Variants in LHFPL3 observed in about 807,000 individuals in gnomAD.
LHFPL3 encodes LHFPL tetraspan subfamily member 3.
Under a neutral mutation model 19.3 loss-of-function variants are expected in LHFPL3, and 5 were observed. The observed-to-expected ratio is 0.26, with a 90% confidence interval of 0.14 to 0.54. The LOEUF is 0.54. LHFPL3 is among the 20% of genes least tolerant of loss of function. The pLI, the probability that LHFPL3 is intolerant of heterozygous loss-of-function variation, is 0.94. For synonymous variants in LHFPL3, 133 were observed against 126.2 expected (o/e 1.05, Z -0.36); for missense variants, 249 against 307.4 (o/e 0.81, Z 1.42).
chr7:104,741,742 A>G (rs951342485), intron 2 of LHFPL3, among the ~76,000 whole-genome samples: 1 of 151,866 alleles, frequency 6.6e-6, no homozygotes, highest in Non-Finnish European at 1.5e-5. Flanking sequence ...TTTTGTAGAG[A>G]CAGGGTACCC....
intron 1 of LHFPL3, among the ~76,000 whole-genome samples, chr7:104,682,648 T>G (rs946105647): frequency 6.6e-6 from 1 of 152,190 alleles, no homozygotes; most frequent in Non-Finnish European, 1.5e-5. Flanking sequence ...CTGTGCCAGC[T>G]GGAAAAACAA....
chr7:104,380,045 A>G (rs1217058853), intron 1 of LHFPL3, among the ~76,000 whole-genome samples: 1 of 152,218 alleles, frequency 6.6e-6, no homozygotes, highest in Non-Finnish European at 1.5e-5. Context: ...TCATATTCTC[A>G]TTAGTTACCA....
chr7:104,719,161 C>T (rs919051020), intron 1 of LHFPL3, among the ~76,000 whole-genome samples: 11 of 152,114 alleles, frequency 7.2e-5, no homozygotes, highest in Middle Eastern at 6.8e-3. Context: ...AAAAATAAAG[C>T]TTTACAAAAA....
At chr7:104,543,636 C>T (rs928197679) in intron 1 of LHFPL3, among the ~76,000 whole-genome samples, 141 of 150,880 alleles carry the variant, frequency 9.3e-4, no homozygotes, top group African/African-American at 3.4e-3. Flanking sequence ...AAACTGGAAA[C>T]CATCATTCTC....
At chr7:104,591,716 A>G (rs912871046) in intron 1 of LHFPL3, among the ~76,000 whole-genome samples, 2 of 152,150 alleles carry the variant, frequency 1.3e-5, no homozygotes, top group Non-Finnish European at 2.9e-5. Flanking sequence ...GTGTTTTCCA[A>G]GTTGGTTCCA....
chr7:104,481,157 GTGTT>G (rs1793129303), intron 1 of LHFPL3, among the ~76,000 whole-genome samples: 1 of 152,194 alleles, frequency 6.6e-6, no homozygotes, highest in Admixed American at 6.5e-5. Flanking sequence ...CTGTACTTCA[GTGTT>G]TGTGCCATGG....
intron 1 of LHFPL3, among the ~76,000 whole-genome samples, chr7:104,415,956 A>G (rs1356454808): frequency 2.6e-5 from 4 of 152,320 alleles, no homozygotes; most frequent in Non-Finnish European, 5.9e-5. Context: ...GGGTCAGTAC[A>G]TACCACCTAT....
intron 1 of LHFPL3, among the ~76,000 whole-genome samples, chr7:104,732,430 A>T (rs148595773): frequency 7.9e-5 from 12 of 152,268 alleles, no homozygotes; most frequent in Non-Finnish European, 1.6e-4. Flanking sequence ...CAGAGATTCA[A>T]CTTCTTCCTG....
intron 1 of LHFPL3, among the ~76,000 whole-genome samples, chr7:104,466,276 G>C (rs1040970754): frequency 7.9e-5 from 12 of 152,182 alleles, no homozygotes; most frequent in Admixed American, 7.9e-4. Context: ...TCTCACCTCA[G>C]TTTTGTAAAA....
intron 1 of LHFPL3, among the ~76,000 whole-genome samples, chr7:104,719,363 A>C (rs1313387676): frequency 6.6e-6 from 1 of 152,172 alleles, no homozygotes; most frequent in Non-Finnish European, 1.5e-5. Context: ...CCAACTTAAA[A>C]TATCGAGGCA....
intron 2 of LHFPL3, among the ~76,000 whole-genome samples, chr7:104,871,430 T>C (rs567736981): frequency 6.6e-6 from 1 of 152,178 alleles, no homozygotes; most frequent in African/African-American, 2.4e-5. Context: ...GAATGGTGAA[T>C]GAATGTGAAG....
Position 104,399,320 on chromosome 7 carries a change from G to C in LHFPL3, c.445+70096G>C, listed in dbSNP as rs1003517768. ...GTTTGGGGCAGTTTTACTTTCATTG[G>C]GTAAGTTACGATTAAATGTAACTTT... On this transcript the variant is annotated intron_variant, in intron 1 of 2. Transcript: ENST00000424859. The surrounding 1 kb of genome is among the most constrained non-coding windows in gnomAD (Gnocchi z 4.4). Among the ~76,000 whole-genome samples the C allele has an allele frequency of 4.6e-5, 7 of 151,982 alleles. No homozygotes were observed. The highest frequency in any genetic ancestry group is 1.7e-4 in the African/African-American group (7 of 41,370).
intron 1 of LHFPL3, among the ~76,000 whole-genome samples, chr7:104,656,676 C>T (rs1166199015): frequency 6.6e-6 from 1 of 152,224 alleles, no homozygotes; most frequent in Non-Finnish European, 1.5e-5. Flanking sequence ...CACAAGATTA[C>T]TCAGATCACT....
intron 1 of LHFPL3, among the ~76,000 whole-genome samples, chr7:104,362,174 A>G (rs1434413036): frequency 6.6e-6 from 1 of 152,198 alleles, no homozygotes; most frequent in Non-Finnish European, 1.5e-5. Flanking sequence ...TGCTCCTCAG[A>G]AATAATAGTG....
At chr7:104,607,560 G>T (rs1791125978) in intron 1 of LHFPL3, among the ~76,000 whole-genome samples, 1 of 152,180 alleles carries the variant, frequency 6.6e-6, no homozygotes, top group Non-Finnish European at 1.5e-5. Flanking sequence ...CGAAGATCCA[G>T]GGGTTATTGA....
chr7:104,516,212 G>A (rs534273619), intron 1 of LHFPL3, among the ~76,000 whole-genome samples: 88 of 152,160 alleles, frequency 5.8e-4, no homozygotes, highest in African/African-American at 1.8e-3. Context: ...AGTACAGAGC[G>A]AAGCGGGGTG....
intron 2 of LHFPL3, among the ~76,000 whole-genome samples, chr7:104,779,304 T>C (rs1014799235): frequency 7.2e-5 from 11 of 152,220 alleles, no homozygotes; most frequent in Non-Finnish European, 1.5e-4. Flanking sequence ...ACTCTCATCA[T>C]TGAGTATTCA....
intron 2 of LHFPL3, among the ~76,000 whole-genome samples, chr7:104,857,390 C>A (rs1256346494): frequency 1.3e-5 from 2 of 152,014 alleles, no homozygotes; most frequent in Non-Finnish European, 2.9e-5. Flanking sequence ...TTATTTTACT[C>A]ATTCTATATT....
chr7:104,505,615 A>G (rs1213682895), intron 1 of LHFPL3, among the ~76,000 whole-genome samples: 1 of 152,212 alleles, frequency 6.6e-6, no homozygotes, highest in East Asian at 1.9e-4. Context: ...CTTTGGGAAT[A>G]TTGCAATCAG....
Sources: allele counts gnomAD v4.1 joint callset (sites outside exome capture counted in the v4.1 genomes callset), GRCh38; gene constraint gnomAD v4.1.1; non-coding constraint Gnocchi (gnomAD v3.1); transcripts MANE v1.5; gene names NCBI Gene and HGNC (gene_info 2026-07-23, HGNC 2026-07-21).